LURAP1L: variants seen among roughly 807,000 people sequenced by gnomAD.
LURAP1L encodes the protein leucine rich adaptor protein 1-like.
LURAP1L carries 12 observed loss-of-function variants against 13.8 expected under a neutral mutation model. The ratio of observed to expected loss-of-function variants is 0.87; its 90% CI spans 0.56 to 1.41. LURAP1L has a LOEUF of 1.41. LURAP1L is among the 40% of genes most tolerant of loss of function. The probability of loss-of-function intolerance (pLI) is 0.00; values close to 1 mark genes in which losing one functional copy is unlikely to be tolerated. For synonymous variants in LURAP1L, 139 were observed against 119.2 expected, an observed-to-expected ratio of 1.17 and a Z score of -1.08; for missense variants, 375 against 292.9, an observed-to-expected ratio of 1.28 and a Z score of -2.04.
intron 1 of LURAP1L, among the ~76,000 whole-genome samples, chr9:12,784,111 G>C (rs1176919229): frequency 6.6e-6 from 1 of 151,968 alleles, no homozygotes; most frequent in African/African-American, 2.4e-5. Flanking sequence ...CTGTTATCTT[G>C]ATTTGTTTAG....
At chr9:12,817,297 A>G (rs1212252835) in intron 1 of LURAP1L, among the ~76,000 whole-genome samples, 1 of 152,096 alleles carries the variant, frequency 6.6e-6, no homozygotes, top group Non-Finnish European at 1.5e-5. Context: ...TCTGAAGCAA[A>G]GTTTCTTATT....
In LURAP1L at chr9:12,812,178, G is replaced by A. The variant is rs1483553028; in HGVS notation, c.313-9208G>A. Reference sequence around the variant, plus strand: ...TCTATTATTTAGAAATAAGTCAATAGGCCCATCCGATACCAGGATAGGGAA... The same window carrying A: ...TCTATTATTTAGAAATAAGTCAATAAGCCCATCCGATACCAGGATAGGGAA... On this transcript the variant is annotated intron_variant, in intron 1 of 1. Coordinates refer to ENST00000319264, the MANE Select transcript of LURAP1L (RefSeq NM_203403.2). Among the ~76,000 whole-genome samples the A allele has an allele frequency of 2.6e-5, 4 of 152,146 alleles. No individual in the cohort carries two copies. The East Asian group carries it at 7.7e-4, about 29-fold the overall frequency.
chr9:12,789,908 C>A (rs1819416407), intron 1 of LURAP1L, among the ~76,000 whole-genome samples: 1 of 152,064 alleles, frequency 6.6e-6, no homozygotes, highest in Non-Finnish European at 1.5e-5. Context: ...GAATCTGAGA[C>A]CATACTTTAG....
chr9:12,792,713 A>G (rs1175973156), intron 1 of LURAP1L, among the ~76,000 whole-genome samples: 1 of 152,084 alleles, frequency 6.6e-6, no homozygotes, highest in Non-Finnish European at 1.5e-5. Flanking sequence ...TTAGTAGTGA[A>G]ATCCACATAT....
chr9:12,793,186 C>G (rs1271356498), intron 1 of LURAP1L, among the ~76,000 whole-genome samples: 3 of 151,994 alleles, frequency 2.0e-5, no homozygotes, highest in African/African-American at 7.2e-5. Context: ...AATTATCATC[C>G]TTCAGTAGCC....
intron 1 of LURAP1L, among the ~76,000 whole-genome samples, chr9:12,799,317 T>A (rs1192973981): frequency 2.0e-5 from 3 of 152,204 alleles, no homozygotes; most frequent in Non-Finnish European, 4.4e-5. Flanking sequence ...GGCTTGGAAA[T>A]CATAACTTAT....
At chr9:12,805,866 G>A (rs989169972) in intron 1 of LURAP1L, among the ~76,000 whole-genome samples, 1 of 152,132 alleles carries the variant, frequency 6.6e-6, no homozygotes, top group Non-Finnish European at 1.5e-5. Flanking sequence ...AGTAGCAGTT[G>A]TGAAAATGGA....
intron 1 of LURAP1L, chr9:12,777,578 A>G: frequency 2.0e-6 from 2 of 976,668 alleles, no homozygotes; most frequent in Non-Finnish European, 2.4e-6. Flanking sequence ...GTTGAAACAT[A>G]TTTTCTTTCT....
At chr9:12,812,186 C>T (rs1019257534) in intron 1 of LURAP1L, among the ~76,000 whole-genome samples, 6 of 152,098 alleles carry the variant, frequency 3.9e-5, no homozygotes, top group Admixed American at 6.6e-5. Context: ...TAGGCCCATC[C>T]GATACCAGGA....
At chr9:12,791,149 A>C (rs1222208568) in intron 1 of LURAP1L, among the ~76,000 whole-genome samples, 1 of 152,104 alleles carries the variant, frequency 6.6e-6, no homozygotes, top group Non-Finnish European at 1.5e-5. Context: ...GTGTTCACAT[A>C]AGTAAGATGG....
intron 1 of LURAP1L, among the ~76,000 whole-genome samples, chr9:12,781,211 T>C (rs1269214007): frequency 6.6e-6 from 1 of 152,216 alleles, no homozygotes; most frequent in Non-Finnish European, 1.5e-5. Flanking sequence ...CCTCAGGTGA[T>C]CTGCCTGCCT....
At chr9:12,787,224 A>G (rs539894819) in intron 1 of LURAP1L, among the ~76,000 whole-genome samples, 1 of 152,074 alleles carries the variant, frequency 6.6e-6, no homozygotes, top group Non-Finnish European at 1.5e-5. Context: ...ATACAACCAT[A>G]CCTAGTTTTA....
intron 1 of LURAP1L, among the ~76,000 whole-genome samples, chr9:12,802,983 G>T (rs1819607814): frequency 6.6e-6 from 1 of 152,120 alleles, no homozygotes; most frequent in African/African-American, 2.4e-5. Flanking sequence ...ACTGACAGAT[G>T]TCTTCTTTTC....
At chr9:12,796,217 T>C (rs1819509840) in intron 1 of LURAP1L, among the ~76,000 whole-genome samples, 1 of 151,952 alleles carries the variant, frequency 6.6e-6, no homozygotes, top group Admixed American at 6.6e-5. Flanking sequence ...TAAAGATCTT[T>C]TCTGTTGAAA....
At position 12,809,656 on chromosome 9, in the gene LURAP1L, T is replaced by C. The variant is rs1819710241; in HGVS notation, c.313-11730T>C. On this transcript the variant is annotated intron_variant, in intron 1 of 1. Transcript: ENST00000319264. The stretch of plus-strand genomic sequence containing the variant: ...GCTTGCTTTGTCTCTTCAGACTTTG[T>C]TTTTGCCTTTTAGAGTGGCTTGTAA... Among the ~76,000 whole-genome samples the C allele has an allele frequency of 2.0e-5, 3 of 152,194 alleles. No homozygotes were observed. The South Asian group carries it at 6.2e-4, about 32-fold the overall frequency.
chr9:12,804,973 T>G (rs1398831125), intron 1 of LURAP1L, among the ~76,000 whole-genome samples: 4 of 152,106 alleles, frequency 2.6e-5, no homozygotes, highest in African/African-American at 7.2e-5. Context: ...ATATAAGCCA[T>G]AAGTTGTAAC....
chr9:12,814,072 T>C (rs115468069), intron 1 of LURAP1L, among the ~76,000 whole-genome samples: 2,515 of 152,326 alleles, frequency 0.017, 76 homozygotes, highest in African/African-American at 0.058. Context: ...ATTTGTATTA[T>C]ATTTTGTAGT....
chr9:12,814,369 G>A (rs1819777149), intron 1 of LURAP1L: 1 of 152,186 alleles, frequency 6.6e-6, no homozygotes, highest in African/African-American at 2.4e-5. Context: ...GGGAGTCCAT[G>A]TTTTCATTAG....
chr9:12,783,667 T>C (rs1819306739), intron 1 of LURAP1L, among the ~76,000 whole-genome samples: 1 of 152,138 alleles, frequency 6.6e-6, no homozygotes, highest in Admixed American at 6.5e-5. Context: ...ACTTTCTCTT[T>C]TTTTGATACG....
Sources: allele counts gnomAD v4.1 joint callset (sites outside exome capture counted in the v4.1 genomes callset), GRCh38; gene constraint gnomAD v4.1.1; transcripts MANE v1.5; gene names NCBI Gene and HGNC (gene_info 2026-07-23, HGNC 2026-07-21).